OR2A5: variants seen among roughly 807,000 people sequenced by gnomAD.
The protein encoded by OR2A5 is olfactory receptor family 2 subfamily A member 5, also known as olfactory receptor 2A5.
OR2A5 carries 2 observed loss-of-function variants against 1.9 expected under a neutral mutation model. The observed-to-expected ratio is 1.04, with a 90% CI of 0.43 to 3.28. The LOEUF is 3.28. Among genes scored for constraint, OR2A5 ranks in the 30% most tolerant of loss-of-function variants. The probability of loss-of-function intolerance (pLI) is 0.08; values close to 1 mark genes in which losing one functional copy is unlikely to be tolerated. For synonymous variants in OR2A5, 160 were observed against 154.5 expected (o/e 1.04, Z -0.26); for missense variants, 391 against 375.9 (o/e 1.04, Z -0.33).
In OR2A5 at chr7:144,057,369, A is replaced by G. The variant is rs1223304368; in HGVS notation, c.*6032A>G. The G allele has an allele frequency of 6.6e-6, 1 of 152,232 alleles. No individual in the cohort carries two copies. The highest frequency in any genetic ancestry group is 1.5e-5 in the Non-Finnish European group (1 of 68,034). The allele number at this position is 152,232 out of a possible 1,614,324, so 9.4% of individuals were successfully genotyped here. A position where few individuals can be genotyped will look rare whatever the true frequency, so the allele number is the denominator to read the frequency against. ...TGCTGAAATTTTTTTCCTGATGGCT[A>G]AACACATGAATTCTCAGAACAAAAG... is the stretch of plus-strand genomic sequence containing the variant. On this transcript the variant is annotated 3_prime_UTR_variant, in exon 2 of 2. Coordinates refer to ENST00000641693, the MANE Select transcript of OR2A5 (RefSeq NM_012365.2).
rs372233752 is a variant in OR2A5, at chr7:144,051,181, G to C, written c.780G>C (p.Met260Ile). 5.0e-6 allele frequency: 8 copies of C among 1,614,054 alleles called. No homozygotes were observed. The African/African-American group carries it at 9.3e-5, about 19-fold the overall frequency. The stretch of plus-strand genomic sequence containing the variant: ...TTGGCAGCGCCATTGTCATGTACAT[G>C]GCCCCCAAGTCCCGCCACCCTGAGG... The part of the protein sequence containing the change: ...LFFGSAIVMY[M>I]APKSRHPEEQ... Residue 260 changes from methionine (M) to isoleucine (I), a missense_variant, in exon 2 of 2, where the codon ATG (methionine) becomes ATC (isoleucine). By Grantham distance (10) the Met-to-Ile change is conservative. Transcript: ENST00000641693.
At position 144,050,928 on chromosome 7, in the gene OR2A5, A is replaced by G. The variant is rs755350445; in HGVS notation, c.527A>G (p.His176Arg). 1 of 1,613,976 alleles carries G rather than the reference A, an allele frequency of 6.2e-7. No individual in the cohort carries two copies. The highest frequency in any genetic ancestry group is 1.1e-5 in the South Asian group (1 of 91,072). The part of the protein sequence containing the change: ...LPFCGPHEIN[H>R]FFCEILSVLK... ...TTCTGTGGGCCCCATGAAATCAACCACTTCTTCTGTGAAATCCTGTCTGTC... is the reference window on the plus strand; with the variant it reads ...TTCTGTGGGCCCCATGAAATCAACCGCTTCTTCTGTGAAATCCTGTCTGTC... The change falls in exon 2 of 2, where the codon CAC becomes CGC. Residue 176 changes from histidine to arginine, a missense_variant. Transcript: ENST00000641693.
chr7:144,051,224 T>A lies in OR2A5; in HGVS notation c.823T>A (p.Ser275Thr). The A allele has an allele frequency of 1.2e-6, 2 of 1,614,176 alleles. No homozygotes were observed. The highest frequency in any genetic ancestry group is 1.7e-6 in the Non-Finnish European group (2 of 1,180,030). Residue 275 changes from serine (S) to threonine (T), a missense_variant, in exon 2 of 2, where the codon TCC (serine) becomes ACC (threonine). Ser to Thr is a moderately conservative substitution (Grantham distance 58, BLOSUM62 1). Transcript: ENST00000641693. ...RHPEEQQKVL[S>T]LFYSLFNPML... is the part of the protein sequence containing the mutation. Reference sequence around the variant, plus strand: ...CCCTGAGGAGCAGCAGAAGGTCCTTTCCCTGTTTTACAGCCTTTTCAACCC... The same window carrying A: ...CCCTGAGGAGCAGCAGAAGGTCCTTACCCTGTTTTACAGCCTTTTCAACCC...
chr7:144,051,362 GT>G lies in OR2A5; in HGVS notation c.*27del. The G allele has an allele frequency of 6.4e-7, 1 of 1,554,128 alleles. No individual in the cohort carries two copies. The highest frequency in any genetic ancestry group is 8.7e-7 in the Non-Finnish European group (1 of 1,145,494). On this transcript the variant is annotated 3_prime_UTR_variant, in exon 2 of 2. Transcript: ENST00000641693. The stretch of plus-strand genomic sequence containing the variant: ...AGGGATGCCAGGGAAAGTCTAGAGG[GT>G]TGAAGATTTGCTCCCAATGAGATTT...
chr7:144,053,233 T>TTATA lies in OR2A5; in HGVS notation c.*1910_*1913dup, dbSNP rs148018276. On this transcript the variant is annotated 3_prime_UTR_variant, in exon 2 of 2. Transcript: ENST00000641693. ...GCAGGTCTTAATAGTGGCTCTAATT[T>TTATA]TATATATATATATATATTGAATACA... The TTATA allele has an allele frequency of 9.3e-5, 14 of 150,234 alleles. No individual in the cohort carries two copies. Among genetic ancestry groups the TTATA allele is most frequent in the Admixed American group, 3.3e-4 (5 of 14,988 alleles). The allele number at this position is 150,234 out of a possible 1,614,324, so 9.3% of individuals were successfully genotyped here.
In OR2A5 at chr7:144,051,189, A is replaced by G. The variant is rs1229709043; in HGVS notation, c.788A>G (p.Lys263Arg). ...GCCATTGTCATGTACATGGCCCCCA[A>G]GTCCCGCCACCCTGAGGAGCAGCAG... ...GSAIVMYMAP[K>R]SRHPEEQQKV... Residue 263 changes from lysine (K) to arginine (R), a missense_variant, in exon 2 of 2, where the codon AAG becomes AGG. By Grantham distance (26) the Lys-to-Arg change is conservative. Coordinates refer to ENST00000641693, the MANE Select transcript of OR2A5 (RefSeq NM_012365.2). 2 of 1,614,184 alleles carry G rather than the reference A, an allele frequency of 1.2e-6. No individual in the cohort carries two copies. The highest frequency in any genetic ancestry group is 2.2e-5 in the East Asian group (1 of 44,878).
chr7:144,051,211 G>C lies in OR2A5; in HGVS notation c.810G>C (p.Gln270His). 11 of 1,614,192 alleles carry C rather than the reference G, an allele frequency of 6.8e-6. No homozygotes were observed. Among genetic ancestry groups the C allele is most frequent in the Non-Finnish European group, 9.3e-6 (11 of 1,180,028 alleles). Reference protein sequence around the residue: ...MAPKSRHPEEQQKVLSLFYSL... With the variant: ...MAPKSRHPEEHQKVLSLFYSL... ...CCAAGTCCCGCCACCCTGAGGAGCA[G>C]CAGAAGGTCCTTTCCCTGTTTTACA... The change falls in exon 2 of 2, where the codon CAG becomes CAC. Residue 270 changes from glutamine to histidine, a missense_variant. Transcript: ENST00000641693.
At position 144,053,742 on chromosome 7, in the gene OR2A5, T is replaced by C. The variant is rs1188945682; in HGVS notation, c.*2405T>C. 6.6e-6 allele frequency: 1 copy of C among 152,182 alleles called. No homozygotes were observed. Among genetic ancestry groups the C allele is most frequent in the Non-Finnish European group, 1.5e-5 (1 of 68,042 alleles). The allele number at this position is 152,182 out of a possible 1,614,324, so 9.4% of individuals were successfully genotyped here. ...CTGGAACAAAACGGAGTTTACAGTATTATAGCCAAAGTCTTAACACCAGAA... is the reference window on the plus strand; with the variant it reads ...CTGGAACAAAACGGAGTTTACAGTACTATAGCCAAAGTCTTAACACCAGAA... On this transcript the variant is annotated 3_prime_UTR_variant, in exon 2 of 2. Coordinates refer to ENST00000641693, the MANE Select transcript of OR2A5 (RefSeq NM_012365.2).
intron 1 of OR2A5, 71 bp downstream of exon 1, chr7:144,049,204 G>A (rs931146295): frequency 2.6e-5 from 4 of 152,314 alleles, no homozygotes; most frequent in African/African-American, 9.6e-5. Context: ...CAGGGCTCCA[G>A]AAATCAGTAC....
At position 144,051,424 on chromosome 7, in the gene OR2A5, C is replaced by A; in HGVS notation, c.*87C>A. ...TGGTGTAAATGCCTTACAGTCTCAT[C>A]TCTTAGATTTCTGATATCAAGAATG... On this transcript the variant is annotated 3_prime_UTR_variant, in exon 2 of 2. Coordinates refer to ENST00000641693, the MANE Select transcript of OR2A5 (RefSeq NM_012365.2). 9.8e-7 allele frequency: 1 copy of A among 1,017,486 alleles called. No homozygotes were observed. The highest frequency in any genetic ancestry group is 1.5e-6 in the Non-Finnish European group (1 of 688,924). 63.0% of individuals were successfully genotyped at this position (1,017,486 alleles called of 1,614,324 possible).
In OR2A5 at chr7:144,052,697, T is replaced by C. The variant is rs903652730; in HGVS notation, c.*1360T>C. ...ATTCATCTCGGTTAAACATTCTGCC[T>C]CTGGTGATGGTCTTTGTTTTCATAT... is the stretch of plus-strand genomic sequence containing the variant. On this transcript the variant is annotated 3_prime_UTR_variant, in exon 2 of 2. Coordinates refer to ENST00000641693, the MANE Select transcript of OR2A5 (RefSeq NM_012365.2). The C allele has an allele frequency of 6.6e-6, 1 of 152,190 alleles. No homozygotes were observed. Among genetic ancestry groups the C allele is most frequent in the Non-Finnish European group, 1.5e-5 (1 of 68,042 alleles). The allele number at this position is 152,190 out of a possible 1,614,324, so 9.4% of individuals were successfully genotyped here. A position where few individuals can be genotyped will look rare whatever the true frequency, so the allele number is the denominator to read the frequency against.
Position 144,051,035 on chromosome 7 carries a change from T to C in OR2A5, c.634T>C (p.Cys212Arg). ...ASVFILVGPL[C>R]LVLVSYSRIL... ...AGTGTTCATCCTGGTGGGGCCGCTCTGCCTGGTGCTGGTCTCCTACTCGCG... is the reference window on the plus strand; with the variant it reads ...AGTGTTCATCCTGGTGGGGCCGCTCCGCCTGGTGCTGGTCTCCTACTCGCG... The change falls in exon 2 of 2, where the codon TGC (cysteine) becomes CGC (arginine). Residue 212 changes from cysteine to arginine, a missense_variant. Coordinates refer to ENST00000641693, the MANE Select transcript of OR2A5 (RefSeq NM_012365.2). 6.2e-7 allele frequency: 1 copy of C among 1,614,240 alleles called. No homozygotes were observed. The highest frequency in any genetic ancestry group is 2.2e-5 in the East Asian group (1 of 44,884).
At position 144,058,040 on chromosome 7, in the gene OR2A5, C is replaced by G. The variant is rs890779060; in HGVS notation, c.*6703C>G. 2 of 152,152 alleles carry G rather than the reference C, an allele frequency of 1.3e-5. No individual in the cohort carries two copies. Among genetic ancestry groups the G allele is most frequent in the Non-Finnish European group, 2.9e-5 (2 of 68,022 alleles). 9.4% of individuals were successfully genotyped at this position (152,152 alleles called of 1,614,324 possible). On this transcript the variant is annotated 3_prime_UTR_variant, in exon 2 of 2. Transcript: ENST00000641693. ...GATCACATTTGCCATCTTTGAGCCC[C>G]CCACCTCTGCTGCAGTTGTAGCAGG...
Position 144,051,246 on chromosome 7 carries a change from A to T in OR2A5, c.845A>T (p.Asn282Ile), listed in dbSNP as rs367892049. 6.8e-6 allele frequency: 11 copies of T among 1,613,678 alleles called. No individual in the cohort carries two copies. The African/African-American group carries it at 1.3e-4, about 20-fold the overall frequency. Reference sequence around the variant, plus strand: ...CTTTCCCTGTTTTACAGCCTTTTCAACCCGATGCTGAACCCCTTGATCTAT... The same window carrying T: ...CTTTCCCTGTTTTACAGCCTTTTCATCCCGATGCTGAACCCCTTGATCTAT... ...KVLSLFYSLF[N>I]PMLNPLIYSL... The change falls in exon 2 of 2, where the codon AAC becomes ATC. Residue 282 changes from asparagine (N) to isoleucine (I), a missense_variant. Transcript: ENST00000641693.
rs1180837034 is a variant in OR2A5, at chr7:144,053,256, A to G, written c.*1919A>G. 2.0e-5 allele frequency: 3 copies of G among 152,050 alleles called. No individual in the cohort carries two copies. The highest frequency in any genetic ancestry group is 4.4e-5 in the Non-Finnish European group (3 of 67,996). 9.4% of individuals were successfully genotyped at this position (152,050 alleles called of 1,614,324 possible). ...TTTTATATATATATATATATTGAATACATTACAGAAAATACCTGAGTATAT... is the reference window on the plus strand; with the variant it reads ...TTTTATATATATATATATATTGAATGCATTACAGAAAATACCTGAGTATAT... On this transcript the variant is annotated 3_prime_UTR_variant, in exon 2 of 2. Transcript: ENST00000641693.
In OR2A5 at chr7:144,052,967, A is replaced by G. The variant is rs548858574; in HGVS notation, c.*1630A>G. 9 of 152,298 alleles carry G rather than the reference A, an allele frequency of 5.9e-5. No homozygotes were observed. The East Asian group carries it at 1.7e-3, about 29-fold the overall frequency. 9.4% of individuals were successfully genotyped at this position (152,298 alleles called of 1,614,324 possible). ...ACATTCCCTAAAATATGTATACTTC[A>G]TGTTCTGCTTAAAACCTTTAAAAGA... On this transcript the variant is annotated 3_prime_UTR_variant, in exon 2 of 2. Coordinates refer to ENST00000641693, the MANE Select transcript of OR2A5 (RefSeq NM_012365.2).
intron 1 of OR2A5, among the ~76,000 whole-genome samples, chr7:144,049,575 A>G (rs1477740567): frequency 6.6e-6 from 1 of 152,262 alleles, no homozygotes; most frequent in Non-Finnish European, 1.5e-5. Flanking sequence ...GCACCTGGTA[A>G]GAACCAGGGA....
Position 144,051,136 on chromosome 7 carries a change from T to C in OR2A5, c.735T>C (p.Leu245=), listed in dbSNP as rs754736605. The change falls in exon 2 of 2, where the codon CTT becomes CTC. Residue 245 remains leucine, a synonymous_variant. Transcript: ENST00000641693. ...CCTTCTCCACCTGCTCCTCCCACCTTTGCATGGTGGGACTCTTCTTTGGCA... is the reference window on the plus strand; with the variant it reads ...CCTTCTCCACCTGCTCCTCCCACCTCTGCATGGTGGGACTCTTCTTTGGCA... ...RKAFSTCSSH[L]CMVGLFFGSA... 1.5e-5 allele frequency: 25 copies of C among 1,614,084 alleles called. No homozygotes were observed. The African/African-American group carries it at 2.9e-4, about 19-fold the overall frequency.
In OR2A5 at chr7:144,051,773, TAAC is replaced by T. The variant is rs1463609138; in HGVS notation, c.*443_*445del. 6.2e-6 allele frequency: 1 copy of T among 162,348 alleles called. No homozygotes were observed. The highest frequency in any genetic ancestry group is 2.4e-5 in the African/African-American group (1 of 41,536). The allele number at this position is 162,348 out of a possible 1,614,324, so 10.1% of individuals were successfully genotyped here. ...GTTAAGCAGCCCTCTACTGGGAATG[TAAC>T]AACAACTAAGAGTATAGAAAATGCC... On this transcript the variant is annotated 3_prime_UTR_variant, in exon 2 of 2. Transcript: ENST00000641693.
Sources: gnomAD v4.1 joint callset for allele counts (sites outside exome capture counted in the v4.1 genomes callset) on GRCh38, gnomAD v4.1.1 for gene constraint, MANE v1.5 for transcripts, NCBI Gene and HGNC (gene_info 2026-07-23, HGNC 2026-07-21) for gene names.